PCDHA13: variants seen among roughly 807,000 people sequenced by gnomAD.
The protein encoded by PCDHA13 is protocadherin alpha 13.
Under a neutral mutation model 64.8 loss-of-function variants are expected in PCDHA13, and 54 were observed. The observed-to-expected ratio is 0.83, with a 90% CI of 0.67 to 1.04. PCDHA13 has a LOEUF of 1.04. Ranked by LOEUF, PCDHA13 falls within the 50% of genes least tolerant of loss-of-function variation. The pLI is 0.00. For missense variants in PCDHA13, 1,248 were observed against 1,254.3 expected (o/e 0.99, Z 0.08); for synonymous variants, 587 against 564.4 (o/e 1.04, Z -0.57).
chr5:140,955,889 G>A (rs246016), intron 1 of PCDHA13, among the ~76,000 whole-genome samples: 85,633 of 151,918 alleles, frequency 0.56, 24,754 homozygotes, highest in African/African-American at 0.69. Flanking sequence ...ATTCCTAGGT[G>A]TTTTATTCTC....
Position 140,968,451 on chromosome 5 carries a change from C to T in PCDHA13, c.2395-10498C>T, listed in dbSNP as rs782416830. 9 of 1,614,130 alleles carry T rather than the reference C, an allele frequency of 5.6e-6. No homozygotes were observed. The South Asian group carries it at 9.9e-5, about 18-fold the overall frequency. ...AAGGGGAGCCCACCACTGAGCAGCACTGTGACTGCCAACGTATATGTGGTG... is the reference window on the plus strand; with the variant it reads ...AAGGGGAGCCCACCACTGAGCAGCATTGTGACTGCCAACGTATATGTGGTG... On this transcript the variant is annotated intron_variant, in intron 1 of 3. Transcript: ENST00000289272.
chr5:140,903,346 A>G (rs76789733), intron 1 of PCDHA13, among the ~76,000 whole-genome samples: 12,326 of 152,302 alleles, frequency 0.081, 540 homozygotes, highest in Middle Eastern at 0.13. Context: ...TGCATTTTAA[A>G]AAACAAGTTT....
chr5:140,899,936 T>G (rs1443562291), intron 1 of PCDHA13, among the ~76,000 whole-genome samples: 1 of 152,064 alleles, frequency 6.6e-6, no homozygotes, highest in Non-Finnish European at 1.5e-5. Flanking sequence ...GCCTCCTGAA[T>G]AGCTGGGACC....
At chr5:140,985,648 C>G (rs185772569) in intron 3 of PCDHA13, among the ~76,000 whole-genome samples, 17 of 152,092 alleles carry the variant, frequency 1.1e-4, no homozygotes, top group African/African-American at 4.1e-4. Flanking sequence ...CCAACACTTG[C>G]AATGGCTGAA....
At chr5:140,989,724 T>C (rs1251385686) in intron 3 of PCDHA13, among the ~76,000 whole-genome samples, 6 of 152,178 alleles carry the variant, frequency 3.9e-5, no homozygotes, top group African/African-American at 1.4e-4. Context: ...AGCTTTGCAG[T>C]TGAAAAGGCC....
chr5:140,964,579 G>A (rs2095841483), intron 1 of PCDHA13, among the ~76,000 whole-genome samples: 1 of 152,090 alleles, frequency 6.6e-6, no homozygotes, highest in Non-Finnish European at 1.5e-5. Flanking sequence ...ATAAGGGGAG[G>A]AAAGATCACT....
At chr5:140,941,216 T>TTTCTTTCTTTCC (rs782179127) in intron 1 of PCDHA13, among the ~76,000 whole-genome samples, 13 of 124,948 alleles carry the variant, frequency 1.0e-4, no homozygotes, top group Non-Finnish European at 1.8e-4. Context: ...TCTTTCTTCC[T>TTTCTTTCTTTCC]TTCTTTCTTT....
At chr5:140,993,358 A>G (rs1197499617) in intron 3 of PCDHA13, among the ~76,000 whole-genome samples, 7 of 151,988 alleles carry the variant, frequency 4.6e-5, no homozygotes, top group Admixed American at 4.6e-4. Context: ...AGATCCTCAC[A>G]AAAACTACCT....
intron 1 of PCDHA13, chr5:140,968,991 G>A: frequency 6.2e-7 from 1 of 1,614,208 alleles, no homozygotes; most frequent in East Asian, 2.2e-5. Context: ...ACTGCATGCT[G>A]TGGAGGCTTC....
At chr5:140,925,146 A>G (rs1467973124) in intron 1 of PCDHA13, among the ~76,000 whole-genome samples, 5 of 151,742 alleles carry the variant, frequency 3.3e-5, no homozygotes, top group Admixed American at 3.3e-4. Flanking sequence ...AACATACACA[A>G]AAGTTGAGAG....
chr5:140,882,415 T>G lies in PCDHA13; in HGVS notation c.147T>G (p.Ala49=), dbSNP rs782393404. Residue 49 remains alanine, a synonymous_variant, in exon 1 of 4, where the codon GCT becomes GCG. Transcript: ENST00000289272. Reference sequence around the variant, plus strand: ...ACGGCACCTTCGTGGGCCGCATCGCTCAGGACCTGGGGCTGGAGCTGGCGG... The same window carrying G: ...ACGGCACCTTCGTGGGCCGCATCGCGCAGGACCTGGGGCTGGAGCTGGCGG... ...AKHGTFVGRI[A]QDLGLELAEL... 1.4e-5 allele frequency: 23 copies of G among 1,614,072 alleles called. No individual in the cohort carries two copies. The highest frequency in any genetic ancestry group is 2.7e-5 in the African/African-American group (2 of 75,042).
At position 141,010,262 on chromosome 5, in the gene PCDHA13, C is replaced by A; in HGVS notation, c.*325C>A. 4 of 1,551,728 alleles carry A rather than the reference C, an allele frequency of 2.6e-6. No homozygotes were observed. Among genetic ancestry groups the A allele is most frequent in the Non-Finnish European group, 3.5e-6 (4 of 1,146,994 alleles). On this transcript the variant is annotated 3_prime_UTR_variant, in exon 4 of 4. Transcript: ENST00000289272. ...GAGGTTGGACTCTCTGCCCTGTGCT[C>A]CGGGGATCCTGTCTTGATGACACTT...
intron 1 of PCDHA13, chr5:140,930,241 C>T (rs2086688232): frequency 1.3e-5 from 2 of 152,148 alleles, no homozygotes; most frequent in African/African-American, 2.4e-5. Context: ...ATCCAAAGTC[C>T]ATTCAACTTG....
chr5:140,943,525 T>C (rs891940980), intron 1 of PCDHA13, among the ~76,000 whole-genome samples: 7 of 152,148 alleles, frequency 4.6e-5, no homozygotes, highest in African/African-American at 7.2e-5. Flanking sequence ...GAGTTCAGTA[T>C]GCAAAATGTC....
chr5:140,966,934 G>T, intron 1 of PCDHA13: 1 of 1,604,080 alleles, frequency 6.2e-7, no homozygotes, highest in Non-Finnish European at 8.5e-7. Context: ...CACCCGGCGC[G>T]CTCGTGGGCA....
intron 1 of PCDHA13, among the ~76,000 whole-genome samples, chr5:140,893,957 G>T (rs1308768731): frequency 1.3e-5 from 2 of 152,100 alleles, no homozygotes; most frequent in African/African-American, 4.8e-5. Context: ...GACTTTATTA[G>T]TCATTAGATA....
chr5:140,978,233 AT>A (rs1360475808), intron 1 of PCDHA13, among the ~76,000 whole-genome samples: 2 of 152,196 alleles, frequency 1.3e-5, no homozygotes, highest in African/African-American at 4.8e-5. Context: ...TTTTTCTTGG[AT>A]TTCAGCTACT....
intron 1 of PCDHA13, among the ~76,000 whole-genome samples, chr5:140,953,309 G>A (rs563699783): frequency 1.3e-5 from 2 of 152,220 alleles, no homozygotes; most frequent in East Asian, 1.9e-4. Flanking sequence ...AGAGATGTGG[G>A]AAGAATTTGA....
chr5:140,983,924 A>G (rs1554245819), intron 3 of PCDHA13, among the ~76,000 whole-genome samples: 1 of 152,216 alleles, frequency 6.6e-6, no homozygotes, highest in African/African-American at 2.4e-5. Flanking sequence ...AGGATTTGCT[A>G]TTTATGGATG....
Sources: gnomAD v4.1 joint callset for allele counts (sites outside exome capture counted in the v4.1 genomes callset) on GRCh38, gnomAD v4.1.1 for gene constraint, MANE v1.5 for transcripts, NCBI Gene and HGNC (gene_info 2026-07-23, HGNC 2026-07-21) for gene names.